Variants in MS4A8 observed in about 807,000 individuals in gnomAD.
MS4A8 encodes membrane-spanning 4-domains subfamily A member 8.
MS4A8 carries 27 observed loss-of-function variants against 23.7 expected under a neutral mutation model. The observed-to-expected ratio is 1.14, with a 90% CI of 0.84 to 1.57. The LOEUF (loss-of-function observed/expected upper bound fraction) is 1.57. Ranked by LOEUF, MS4A8 falls within the 40% of genes most tolerant of loss-of-function variation. The probability of loss-of-function intolerance (pLI) is 0.00; values close to 1 mark genes in which losing one functional copy is unlikely to be tolerated. For synonymous variants in MS4A8, 138 were observed against 126.3 expected (o/e 1.09, Z -0.62); for missense variants, 301 against 311.4 (o/e 0.97, Z 0.25).
Position 60,715,802 on chromosome 11 carries a change from G to A in MS4A8, c.*388G>A, listed in dbSNP as rs368482453. On this transcript the variant is annotated 3_prime_UTR_variant, in exon 7 of 7. Transcript: ENST00000300226. ...TGCATTCATTTAATAAATAGATACT[G>A]AGCATTCAATGTGTTCAAGGCTCTC... The A allele has an allele frequency of 1.3e-4, 34 of 254,620 alleles. No individual in the cohort carries two copies. The highest frequency in any genetic ancestry group is 6.8e-4 in the African/African-American group (30 of 44,056). The allele number at this position is 254,620 out of a possible 1,614,324, so 15.8% of individuals were successfully genotyped here. A position where few individuals can be genotyped will look rare whatever the true frequency, so the allele number is the denominator to read the frequency against.
At chr11:60,707,137 C>A in intron 4 of MS4A8, 90 bp downstream of exon 4, 1 of 1,197,910 alleles carries the variant, frequency 8.3e-7, no homozygotes, top group Non-Finnish European at 1.2e-6. Context: ...CGATTCCTCC[C>A]CCAGCCTTGC....
At position 60,700,843 on chromosome 11, in the gene MS4A8, C is replaced by T. The variant is rs1431636364; in HGVS notation, c.-1-17C>T. The T allele has an allele frequency of 1.2e-6, 2 of 1,613,764 alleles. No individual in the cohort carries two copies. Among genetic ancestry groups the T allele is most frequent in the South Asian group, 1.1e-5 (1 of 91,082 alleles). On this transcript the variant is annotated splice_polypyrimidine_tract_variant and intron_variant, in intron 1 of 6. Coordinates refer to ENST00000300226, the MANE Select transcript of MS4A8 (RefSeq NM_031457.2). ...CCATATGTGAGGGAAAATTCTCTCG[C>T]ATTTATTTCTTGGCAGCATGAATTC...
At chr11:60,709,027 A>G (rs2088280568) in intron 5 of MS4A8, 1 of 433,772 alleles carries the variant, frequency 2.3e-6, no homozygotes, top group African/African-American at 2.0e-5. Flanking sequence ...ATTAAATGCA[A>G]TTTTACAAAG....
chr11:60,703,440 C>G lies in MS4A8; in HGVS notation c.282C>G (p.Leu94=). ...IGLGSIMATV[L]VGEYLSISFY... ...TCGGCTCCATCATGGCGACGGTTCT[C>G]GTAGGGGAATACCTGTCTATTTCAT... Residue 94 remains leucine, a synonymous_variant, in exon 3 of 7, where the codon CTC becomes CTG. Coordinates refer to ENST00000300226, the MANE Select transcript of MS4A8 (RefSeq NM_031457.2). 1 of 1,607,548 alleles carries G rather than the reference C, an allele frequency of 6.2e-7. No individual in the cohort carries two copies. Among genetic ancestry groups the G allele is most frequent in the Non-Finnish European group, 8.5e-7 (1 of 1,177,332 alleles).
chr11:60,710,407 T>A (rs2088290927), intron 5 of MS4A8, among the ~76,000 whole-genome samples: 1 of 152,176 alleles, frequency 6.6e-6, no homozygotes, highest in Non-Finnish European at 1.5e-5. Context: ...ACTCCATCCT[T>A]CCAGTTGCTC....
chr11:60,710,388 T>C (rs571003470), intron 5 of MS4A8, among the ~76,000 whole-genome samples: 147 of 152,322 alleles, frequency 9.7e-4, no homozygotes, highest in African/African-American at 3.4e-3. Flanking sequence ...CTGATTCCAG[T>C]TGATGGCAAC....
rs745414264 is a variant in MS4A8 at position 60,708,708 on chromosome 11, T to C, written c.461T>C (p.Ile154Thr). The change falls in exon 5 of 7, where the codon ATA becomes ACA. Residue 154 changes from isoleucine (I) to threonine (T), a missense_variant. Ile to Thr is a moderately conservative substitution (Grantham distance 89, BLOSUM62 -1). Coordinates refer to ENST00000300226, the MANE Select transcript of MS4A8 (RefSeq NM_031457.2). ...GCAATCTGCTCTGCAGTTGGAGTCA[T>C]ACTCTTCATCACAGATCTAAGTATT... is the stretch of plus-strand genomic sequence containing the variant. ...VSAICSAVGV[I>T]LFITDLSIPH... The C allele has an allele frequency of 1.2e-6, 2 of 1,607,900 alleles. No individual in the cohort carries two copies.
intron 5 of MS4A8, among the ~76,000 whole-genome samples, chr11:60,710,807 G>A (rs2088294579): frequency 6.6e-6 from 1 of 152,170 alleles, no homozygotes; most frequent in South Asian, 2.1e-4. Flanking sequence ...TGGTTCTGCT[G>A]CTGAACCACG....
At chr11:60,711,365 C>A (rs1007582177) in intron 5 of MS4A8, among the ~76,000 whole-genome samples, 1 of 152,212 alleles carries the variant, frequency 6.6e-6, no homozygotes, top group Non-Finnish European at 1.5e-5. Context: ...TAGGCAAAGC[C>A]TCTCCCTAGA....
At chr11:60,714,072 C>G (rs1248737123) in intron 5 of MS4A8, among the ~76,000 whole-genome samples, 1 of 148,386 alleles carries the variant, frequency 6.7e-6, no homozygotes. Context: ...CTACAGGCAC[C>G]CGCCACCGCG....
At chr11:60,712,085 A>T (rs2088305533) in intron 5 of MS4A8, 3 of 285,232 alleles carry the variant, frequency 1.1e-5, no homozygotes, top group Admixed American at 1.0e-4. Flanking sequence ...TATTTAAAAA[A>T]AATTGAAAAA....
At chr11:60,699,804 A>C (rs994832674) in intron 1 of MS4A8, 29 bp downstream of exon 1, 4 of 152,394 alleles carry the variant, frequency 2.6e-5, no homozygotes, top group African/African-American at 9.6e-5. Context: ...GTGGTTGGTA[A>C]CTGGGAGTTG....
chr11:60,709,360 T>C (rs2088282884), intron 5 of MS4A8: 1 of 152,602 alleles, frequency 6.6e-6, no homozygotes, highest in Non-Finnish European at 1.5e-5. Flanking sequence ...CCACATGTTA[T>C]TTTAAATTTT....
chr11:60,702,239 A>G (rs2088211265), intron 2 of MS4A8, among the ~76,000 whole-genome samples: 1 of 152,220 alleles, frequency 6.6e-6, no homozygotes, highest in African/African-American at 2.4e-5. Context: ...AGGTTAGCTT[A>G]CAGCTGGGCA....
At chr11:60,700,783 C>A in intron 1 of MS4A8, 77 bp from the exon 2 acceptor site, 3 of 1,426,882 alleles carry the variant, frequency 2.1e-6, no homozygotes, top group South Asian at 1.2e-5. Context: ...CTCCAATGAG[C>A]TAGAAGAAGC....
intron 3 of MS4A8, among the ~76,000 whole-genome samples, chr11:60,704,185 A>G (rs1026613907): frequency 3.4e-5 from 5 of 147,928 alleles, no homozygotes; most frequent in African/African-American, 7.6e-5. Context: ...CAGTGGTGCA[A>G]TCTCGGCTCA....
chr11:60,706,876 G>A (rs1230269414), intron 3 of MS4A8, 112 bp from the exon 4 acceptor site: 4 of 874,778 alleles, frequency 4.6e-6, no homozygotes, highest in African/African-American at 1.7e-5. Flanking sequence ...TGCCCATGTT[G>A]AGCTGATGGT....
intron 1 of MS4A8, among the ~76,000 whole-genome samples, chr11:60,700,006 G>A (rs2848444): frequency 1.3e-5 from 2 of 152,218 alleles, no homozygotes; most frequent in Non-Finnish European, 2.9e-5. Context: ...AAGTAGCCTA[G>A]AAAATTGAGC....
chr11:60,712,377 GT>G, intron 5 of MS4A8: 1 of 985,310 alleles, frequency 1.0e-6, no homozygotes, highest in Non-Finnish European at 1.2e-6. Context: ...CCAAGCAGAT[GT>G]TTAATAACCA....
Sources: gnomAD v4.1 joint callset for allele counts (sites outside exome capture counted in the v4.1 genomes callset) on GRCh38, gnomAD v4.1.1 for gene constraint, MANE v1.5 for transcripts, NCBI Gene and HGNC (gene_info 2026-07-23, HGNC 2026-07-21) for gene names.